AKAP9: variants seen among roughly 807,000 people sequenced by gnomAD.
AKAP9 encodes the protein A-kinase anchor protein 9.
AKAP9 carries 311 observed loss-of-function variants against 488.5 expected under a neutral mutation model. The observed-to-expected ratio is 0.64, with a 90% CI of 0.58 to 0.70. AKAP9 has a LOEUF of 0.70. Among genes scored for constraint, AKAP9 ranks in the 30% least tolerant of loss-of-function variants. The pLI is 0.00. For synonymous variants in AKAP9, 1,462 were observed against 1,483.5 expected, an observed-to-expected ratio of 0.99 and a Z score of 0.33; for missense variants, 4,215 against 4,374.5, an observed-to-expected ratio of 0.96 and a Z score of 1.03.
chr7:92,022,185 A>G, intron 12 of AKAP9, 53 bp from the exon 13 acceptor site: 2 of 1,371,146 alleles, frequency 1.5e-6, no homozygotes, highest in Admixed American at 3.4e-5. Context: ...ACAGCTTTCT[A>G]ATTGCTGGAT....
chr7:91,941,579 T>C (rs1224275557), intron 1 of AKAP9, among the ~76,000 whole-genome samples: 2 of 152,164 alleles, frequency 1.3e-5, no homozygotes. Flanking sequence ...CAGCTTGTCT[T>C]CCTTAGGTAG....
rs1052036778 is a variant in AKAP9 at position 92,099,791 on chromosome 7, G to T, written c.10818G>T (p.Lys3606Asn). ...TGHISQLTEE[K>N]NDLRNMVMKL... ...ATATCAGTCAACTGACTGAAGAGAA[G>T]AATGACTTAAGGAACATGGTTATGA... The change falls in exon 44 of 50, where the codon AAG becomes AAT. Residue 3606 changes from lysine (K) to asparagine (N), a missense_variant. This residue lies in a region of AKAP9 where 74 missense variants were observed against 113.0 expected (regional missense o/e 0.65). Coordinates refer to ENST00000356239, the MANE Select transcript of AKAP9 (RefSeq NM_005751.5). 2 of 1,613,966 alleles carry T rather than the reference G, an allele frequency of 1.2e-6. No homozygotes were observed. Among genetic ancestry groups the T allele is most frequent in the African/African-American group, 2.7e-5 (2 of 74,904 alleles).
At chr7:91,993,938 G>C (rs1798073053) in intron 5 of AKAP9, among the ~76,000 whole-genome samples, 1 of 152,108 alleles carries the variant, frequency 6.6e-6, no homozygotes. Context: ...AGACTGGCAG[G>C]GTGAAAATAG....
chr7:92,065,187 C>A, intron 24 of AKAP9, 44 bp from the exon 25 acceptor site: 1 of 1,287,854 alleles, frequency 7.8e-7, no homozygotes, highest in Non-Finnish European at 1.1e-6. Context: ...ATCATAAGAT[C>A]ATTAATTGTG....
chr7:92,105,659 A>G lies in AKAP9; in HGVS notation c.11331-19A>G. ...GTTTATAGATGGGCTGTGAAATTTT[A>G]TCTTGGAATCTTTTTTAGAATGAAA... is the stretch of plus-strand genomic sequence containing the variant. On this transcript the variant is annotated intron_variant, in intron 46 of 49. Transcript: ENST00000356239. 1 of 1,600,876 alleles carries G rather than the reference A, an allele frequency of 6.2e-7. No homozygotes were observed. Among genetic ancestry groups the G allele is most frequent in the Non-Finnish European group, 8.6e-7 (1 of 1,168,034 alleles).
rs1816651551 is a variant in AKAP9 at position 92,096,749 on chromosome 7, G to T, written c.9790G>T (p.Glu3264Ter). The T allele has an allele frequency of 1.2e-6, 2 of 1,614,136 alleles. No homozygotes were observed. Among genetic ancestry groups the T allele is most frequent in the South Asian group, 1.1e-5 (1 of 91,070 alleles). The change falls in exon 41 of 50, where the codon GAA (glutamate) becomes TAA (stop). Residue 3264 changes from glutamate (E) to a stop codon, truncating the protein, a stop_gained. Transcript: ENST00000356239. LOFTEE classifies it high-confidence loss of function. ...GAATCTTCAGCTAAATCTACTTTTG[G>T]AACAACAGAAACAACTACTGAACGA... ...QRNLQLNLLL[E>*]QQKQLLNESQ...
Position 92,084,642 on chromosome 7 carries a change from ATCC to A in AKAP9, c.8652_8654del (p.Ser2885del). On this transcript the variant is annotated inframe_deletion, in exon 34 of 50. Coordinates refer to ENST00000356239, the MANE Select transcript of AKAP9 (RefSeq NM_005751.5). ...TACTTTTTGTTTTCTCTAATTAGGG[ATCC>A]TCAATTCCTGAGCTAGCACATTCTG... 1 of 1,606,228 alleles carries A rather than the reference ATCC, an allele frequency of 6.2e-7. No homozygotes were observed. The highest frequency in any genetic ancestry group is 8.5e-7 in the Non-Finnish European group (1 of 1,173,684).
At position 92,052,907 on chromosome 7, in the gene AKAP9, A is replaced by G. The variant is rs1368835233; in HGVS notation, c.5550A>G (p.Leu1850=). 1.2e-6 allele frequency: 2 copies of G among 1,613,868 alleles called. No homozygotes were observed. The highest frequency in any genetic ancestry group is 1.1e-5 in the South Asian group (1 of 91,070). Residue 1850 remains leucine (L), a synonymous_variant, in exon 22 of 50, where the codon CTA becomes CTG. Coordinates refer to ENST00000356239, the MANE Select transcript of AKAP9 (RefSeq NM_005751.5). Reference sequence around the variant, plus strand: ...TTATGCTGAACATTAGCTCTCGACTACAAGCAGCAGTTGAAAAACTCCTAG... The same window carrying G: ...TTATGCTGAACATTAGCTCTCGACTGCAAGCAGCAGTTGAAAAACTCCTAG... The part of the protein sequence containing the change: ...EELMLNISSR[L]QAAVEKLLEA...
At chr7:92,107,253 T>C in intron 47 of AKAP9, 40 bp from the exon 48 acceptor site, 1 of 1,610,120 alleles carries the variant, frequency 6.2e-7, no homozygotes, top group South Asian at 1.1e-5. Flanking sequence ...GGTCTTGGGA[T>C]TTTATTTTTC....
At position 92,043,986 on chromosome 7, in the gene AKAP9, GAAAA is replaced by G. The variant is rs1340071042; in HGVS notation, c.5163-1021_5163-1018del. ...GACAAGAGAGTTGTTTAGTTTTTAA[GAAAA>G]TTAATCAGGCAGTCTTCTGAATCAC... On this transcript the variant is annotated intron_variant, in intron 20 of 49. Coordinates refer to ENST00000356239, the MANE Select transcript of AKAP9 (RefSeq NM_005751.5). Among the ~76,000 whole-genome samples, 11 of 152,270 alleles carry G rather than the reference GAAAA, an allele frequency of 7.2e-5. No individual in the cohort carries two copies. The South Asian group carries it at 2.3e-3, about 32-fold the overall frequency.
At position 92,001,498 on chromosome 7, in the gene AKAP9, G is replaced by A. The variant is rs1799179823; in HGVS notation, c.1581G>A (p.Gln527=). ...TTTTAGAAGAAAAGTGTGCTCTACA[G>A]AGACAGCTTGAAGACCTTGTTGAAG... is the stretch of plus-strand genomic sequence containing the variant. ...GLILEEKCAL[Q]RQLEDLVEEL... Residue 527 remains glutamine (Q), a synonymous_variant, in exon 8 of 50, where the codon CAG becomes CAA. Transcript: ENST00000356239. 6.2e-7 allele frequency: 1 copy of A among 1,613,762 alleles called. No homozygotes were observed. The highest frequency in any genetic ancestry group is 1.1e-5 in the South Asian group (1 of 91,090).
At chr7:92,004,242 C>T (rs1360622515) in intron 8 of AKAP9, among the ~76,000 whole-genome samples, 1 of 152,112 alleles carries the variant, frequency 6.6e-6, no homozygotes, top group East Asian at 1.9e-4. Flanking sequence ...TAGCGTGATG[C>T]CTCCAGCTTT....
chr7:91,986,256 C>T (rs560041266), intron 3 of AKAP9, among the ~76,000 whole-genome samples: 49 of 152,280 alleles, frequency 3.2e-4, no homozygotes, highest in South Asian at 1.9e-3. Flanking sequence ...ATTGGAAAAG[C>T]GCAGTATTGG....
At chr7:92,039,467 T>A (rs1442202758) in intron 17 of AKAP9, among the ~76,000 whole-genome samples, 1 of 152,158 alleles carries the variant, frequency 6.6e-6, no homozygotes, top group Non-Finnish European at 1.5e-5. Context: ...AGCTACCTAT[T>A]TAGGAAGACT....
intron 8 of AKAP9, among the ~76,000 whole-genome samples, chr7:92,004,854 G>C (rs530693430): frequency 2.1e-4 from 32 of 152,284 alleles, no homozygotes; most frequent in African/African-American, 6.7e-4. Flanking sequence ...CCAACACTAT[G>C]TTGAATAGGA....
At chr7:92,078,912 G>C (rs1371118560) in intron 30 of AKAP9, among the ~76,000 whole-genome samples, 167 bp from the exon 31 acceptor site, 3 of 152,140 alleles carry the variant, frequency 2.0e-5, no homozygotes, top group Admixed American at 2.0e-4. Context: ...TGTTTGATAT[G>C]ATGGGGGAGA....
In AKAP9 at chr7:91,986,528, G is replaced by A. The variant is rs376265508; in HGVS notation, c.352-5630G>A. On this transcript the variant is annotated intron_variant, in intron 3 of 49. Transcript: ENST00000356239. ...GAGCTGTTCCTATTTGGCCTTCTTGGAACGGATCCTCACAAATTTTAATTT... is the reference window on the plus strand; with the variant it reads ...GAGCTGTTCCTATTTGGCCTTCTTGAAACGGATCCTCACAAATTTTAATTT... Among the ~76,000 whole-genome samples, 5 of 152,272 alleles carry A rather than the reference G, an allele frequency of 3.3e-5. No individual in the cohort carries two copies. In the East Asian group the frequency reaches 7.7e-4, roughly 24 times the overall value.
chr7:91,998,418 C>CTTTTTTTTTTTTTTTTTTTTTT (rs60778133), intron 7 of AKAP9, among the ~76,000 whole-genome samples: 2 of 53,962 alleles, frequency 3.7e-5, no homozygotes, highest in African/African-American at 5.7e-5. Context: ...CCACAGGGCT[C>CTTTTTTTTTTTTTTTTTTTTTT]TTTTTTTTTT....
At position 92,079,128 on chromosome 7, in the gene AKAP9, A is replaced by C; in HGVS notation, c.6995A>C (p.Glu2332Ala). ...ATAAGGGATCTTGAAACCCAAATAG[A>C]ATGTTTGATGAGTGATCAAGAATGT... ...ELIRDLETQI[E>A]CLMSDQECVK... is the part of the protein sequence containing the mutation. The change falls in exon 31 of 50, where the codon GAA becomes GCA. Residue 2332 changes from glutamate to alanine, a missense_variant. Around this residue, in one of 5 missense-constraint regions of AKAP9, gnomAD observed 1,476 missense variants for 1,477.4 expected, o/e 1.00. Coordinates refer to ENST00000356239, the MANE Select transcript of AKAP9 (RefSeq NM_005751.5). 6.2e-7 allele frequency: 1 copy of C among 1,613,342 alleles called. No individual in the cohort carries two copies. The highest frequency in any genetic ancestry group is 8.5e-7 in the Non-Finnish European group (1 of 1,179,732).
Sources: allele counts gnomAD v4.1 joint callset (sites outside exome capture counted in the v4.1 genomes callset), GRCh38; gene constraint gnomAD v4.1.1; regional missense constraint gnomAD v4.1.1; transcripts MANE v1.5; gene names NCBI Gene and HGNC (gene_info 2026-07-23, HGNC 2026-07-21).